UNC13C: variants seen among roughly 807,000 people sequenced by gnomAD.
UNC13C encodes the protein unc-13 homolog C, also known as protein unc-13 homolog C.
UNC13C carries 174 observed loss-of-function variants against 245.4 expected under a neutral mutation model. That is an observed-to-expected ratio of 0.71 (90% CI 0.63 to 0.80). The LOEUF (loss-of-function observed/expected upper bound fraction) is 0.80. Among genes scored for constraint, UNC13C ranks in the 30% least tolerant of loss-of-function variants. UNC13C has a pLI of 0.00. For missense variants in UNC13C, 2,829 were observed against 2,602.9 expected, an observed-to-expected ratio of 1.09 and a Z score of -1.89; for synonymous variants, 992 against 895.1, an observed-to-expected ratio of 1.11 and a Z score of -1.93.
At chr15:54,062,277 C>T (rs1187282156) in intron 2 of UNC13C, among the ~76,000 whole-genome samples, 1 of 150,244 alleles carries the variant, frequency 6.7e-6, no homozygotes, top group Non-Finnish European at 1.5e-5. Context: ...CGAGATCGCC[C>T]ATTGCACTGC....
chr15:53,844,379 C>A, the UNC13C span, among the ~76,000 whole-genome samples: 1 of 152,068 alleles, frequency 6.6e-6, no homozygotes, highest in African/African-American at 2.4e-5. Context: ...GAGAGAAATA[C>A]TTTGGTATTG....
At chr15:53,942,621 T>C in the UNC13C span, among the ~76,000 whole-genome samples, 2 of 152,126 alleles carry the variant, frequency 1.3e-5, no homozygotes, top group Admixed American at 1.3e-4. Flanking sequence ...GTGTGACTCA[T>C]TATTATGCCT....
chr15:54,231,960 T>G (rs1452833726), intron 4 of UNC13C, among the ~76,000 whole-genome samples: 1 of 152,104 alleles, frequency 6.6e-6, no homozygotes, highest in Non-Finnish European at 1.5e-5. Flanking sequence ...TGTTACTTAA[T>G]CTCTCCAAGA....
At chr15:54,241,508 G>A (rs184246181) in intron 7 of UNC13C, among the ~76,000 whole-genome samples, 2 of 152,266 alleles carry the variant, frequency 1.3e-5, no homozygotes. Context: ...GATAAGTTTT[G>A]AAGTGAAAGG....
At chr15:54,332,462 A>C (rs1191824322) in intron 15 of UNC13C, among the ~76,000 whole-genome samples, 2 of 151,908 alleles carry the variant, frequency 1.3e-5, no homozygotes, top group Admixed American at 6.6e-5. Flanking sequence ...ACCCTTTGTT[A>C]CTGAAATACT....
intron 8 of UNC13C, among the ~76,000 whole-genome samples, chr15:54,251,045 A>G (rs1221548547): frequency 1.3e-5 from 2 of 152,026 alleles, no homozygotes; most frequent in Non-Finnish European, 2.9e-5. Context: ...GGCGTGAGCC[A>G]CCGCGCCCGG....
chr15:54,243,143 C>A (rs1001977233), intron 7 of UNC13C, among the ~76,000 whole-genome samples: 3 of 150,644 alleles, frequency 2.0e-5, no homozygotes, highest in Admixed American at 1.3e-4. Context: ...CTCCCACCCC[C>A]ACCCCGACAG....
At chr15:54,194,006 A>G (rs1397716596) in intron 4 of UNC13C, among the ~76,000 whole-genome samples, 1 of 152,214 alleles carries the variant, frequency 6.6e-6, no homozygotes, top group Non-Finnish European at 1.5e-5. Flanking sequence ...GTCCAAATGC[A>G]GTGAACCAAG....
downstream of UNC13C, chr15:54,629,354 A>G (rs1045449273): frequency 2.5e-4 from 38 of 152,006 alleles, no homozygotes; most frequent in African/African-American, 8.5e-4. Flanking sequence ...CTGGGTGACA[A>G]AATAATCTAC....
intron 2 of UNC13C, among the ~76,000 whole-genome samples, chr15:54,086,737 CT>C (rs57209912): frequency 0.084 from 7,718 of 91,998 alleles, 460 homozygotes; most frequent in East Asian, 0.41. Flanking sequence ...TATTTTCTTT[CT>C]TTTTTTTTTT....
rs761399136 is a variant in UNC13C at position 54,249,683 on chromosome 15, CA to C, written c.3229-541del. 1.7e-4 allele frequency among the ~76,000 whole-genome samples: 26 copies of C among 152,120 alleles called. 1 individual carries two copies. The highest frequency in any genetic ancestry group is 1.2e-3 in the Admixed American group (18 of 15,274). ...AATTATTTCCTTTTAAAATATAAAT[CA>C]CCATGGGAGAGTGCCTCATTTGACC... On this transcript the variant is annotated intron_variant, in intron 7 of 32. Transcript: ENST00000260323.
the UNC13C span, among the ~76,000 whole-genome samples, chr15:53,969,161 G>A: frequency 6.6e-6 from 1 of 152,188 alleles, no homozygotes; most frequent in Admixed American, 6.5e-5. Flanking sequence ...AGGGGAAAGT[G>A]ATTGCACATT....
At position 54,014,902 on chromosome 15, in the gene UNC13C, G is replaced by C. The variant is rs755649624; in HGVS notation, c.1999G>C (p.Gly667Arg). ...GGAATGGAATCAAGGAGCTGATTTA[G>C]GCTTGGATTCATCCACCCAGGAAGG... ...WKEWNQGADL[G>R]LDSSTQEGFD... Residue 667 changes from glycine to arginine, a missense_variant, in exon 2 of 33, where the codon GGC becomes CGC. Gly to Arg is a moderately radical substitution (Grantham distance 125, BLOSUM62 -2). Coordinates refer to ENST00000260323, the MANE Select transcript of UNC13C (RefSeq NM_001080534.3). 6.2e-7 allele frequency: 1 copy of C among 1,613,898 alleles called. No individual in the cohort carries two copies. The highest frequency in any genetic ancestry group is 2.2e-5 in the East Asian group (1 of 44,880).
At chr15:54,350,106 C>T (rs1468337683) in intron 17 of UNC13C, among the ~76,000 whole-genome samples, 1 of 152,050 alleles carries the variant, frequency 6.6e-6, no homozygotes, top group African/African-American at 2.4e-5. Flanking sequence ...AGTCTCCTGT[C>T]TCAGCCTCCC....
intron 22 of UNC13C, among the ~76,000 whole-genome samples, chr15:54,505,211 T>G (rs1023696126): frequency 6.6e-6 from 1 of 152,134 alleles, no homozygotes; most frequent in Non-Finnish European, 1.5e-5. Context: ...AGACCAGTAG[T>G]TCCCCAAAGA....
chr15:54,419,225 G>C lies in UNC13C; in HGVS notation c.4933+4158G>C, dbSNP rs188989045. 8.7e-4 allele frequency among the ~76,000 whole-genome samples: 132 copies of C among 152,168 alleles called. 1 individual carries two copies. The highest frequency in any genetic ancestry group is 2.8e-4 in the Non-Finnish European group (19 of 67,992). ...CCTGAGTAATATACCATGCTCTTTT[G>C]ATAGAGATGAATACATCAGAGTAGG... is the stretch of plus-strand genomic sequence containing the variant. On this transcript the variant is annotated intron_variant, in intron 19 of 32. Transcript: ENST00000260323.
intron 10 of UNC13C, among the ~76,000 whole-genome samples, chr15:54,289,674 C>T (rs2037242534): frequency 6.6e-6 from 1 of 152,116 alleles, no homozygotes; most frequent in Admixed American, 6.6e-5. Context: ...TCTGAAGCTA[C>T]TGTGTGGGAA....
intron 30 of UNC13C, among the ~76,000 whole-genome samples, chr15:54,598,365 G>T (rs1360942965): frequency 6.6e-6 from 1 of 152,206 alleles, no homozygotes; most frequent in Non-Finnish European, 1.5e-5. Context: ...AAAGTGCTGG[G>T]ATTACCGGCA....
At chr15:54,060,887 A>AT (rs1175583024) in intron 2 of UNC13C, among the ~76,000 whole-genome samples, 4 of 152,046 alleles carry the variant, frequency 2.6e-5, no homozygotes, top group Non-Finnish European at 4.4e-5. Flanking sequence ...CAAACACCGC[A>AT]GTTCTCACTC....
Sources: allele counts gnomAD v4.1 joint callset (sites outside exome capture counted in the v4.1 genomes callset), GRCh38; gene constraint gnomAD v4.1.1; transcripts MANE v1.5; gene names NCBI Gene and HGNC (gene_info 2026-07-23, HGNC 2026-07-21).